ZMIZ1: variants seen among roughly 807,000 people sequenced by gnomAD.
ZMIZ1 encodes the protein zinc finger MIZ-type containing 1, also known as zinc finger MIZ domain-containing protein 1.
In ZMIZ1, 17 loss-of-function variants were observed where a neutral mutation model predicts 113.9. The ratio of observed to expected loss-of-function variants is 0.15; its 90% confidence interval spans 0.10 to 0.22. ZMIZ1 has a LOEUF of 0.22. ZMIZ1 is among the 10% of genes least tolerant of loss of function. The pLI is 1.00. For missense variants in ZMIZ1, 1,059 were observed against 1,477.8 expected, an observed-to-expected ratio of 0.72 and a Z score of 4.65; for synonymous variants, 607 against 603.1, an observed-to-expected ratio of 1.01 and a Z score of -0.09.
chr10:79,308,817 C>A (rs1025869438), intron 23 of ZMIZ1, among the ~76,000 whole-genome samples: 12 of 152,134 alleles, frequency 7.9e-5, no homozygotes, highest in Admixed American at 7.2e-4. Flanking sequence ...ACATCCTGCG[C>A]CCTCACAGTT....
At chr10:79,256,376 C>T (rs1850904799) in intron 7 of ZMIZ1, among the ~76,000 whole-genome samples, 1 of 152,170 alleles carries the variant, frequency 6.6e-6, no homozygotes, top group South Asian at 2.1e-4. Flanking sequence ...TCCCCACTAT[C>T]TCCCAGCCCT....
Position 79,162,511 on chromosome 10 carries a change from G to A in ZMIZ1, c.-50+378G>A, listed in dbSNP as rs368661947. On this transcript the variant is annotated intron_variant, in intron 4 of 24. Transcript: ENST00000334512. ...CTGGGTGAGCAGGAGCATGTCGGCT[G>A]AAATGGGTGCAGGGCTACCCACCCC... 3.5e-4 allele frequency among the ~76,000 whole-genome samples: 53 copies of A among 152,284 alleles called. No homozygotes were observed. In the South Asian group the frequency reaches 7.3e-3, roughly 21 times the overall value.
chr10:79,169,884 C>T lies in ZMIZ1; in HGVS notation c.-50+7751C>T, dbSNP rs548571937. ...GCCCTTGGGGAGATACCTCCCACCC[C>T]TCAAACAGGAGCATCTGCTTGAGGT... On this transcript the variant is annotated intron_variant, in intron 4 of 24. Coordinates refer to ENST00000334512, the MANE Select transcript of ZMIZ1 (RefSeq NM_020338.4). Among the ~76,000 whole-genome samples, 6 of 152,370 alleles carry T rather than the reference C, an allele frequency of 3.9e-5. No individual in the cohort carries two copies. In the South Asian group the frequency reaches 1.2e-3, roughly 32 times the overall value.
chr10:79,171,036 C>T (rs757455777), intron 4 of ZMIZ1, among the ~76,000 whole-genome samples: 21 of 152,204 alleles, frequency 1.4e-4, no homozygotes, highest in Non-Finnish European at 2.5e-4. Context: ...TCAAGAACCC[C>T]CTCCCAGCCC....
chr10:79,257,423 G>A (rs1362074517), intron 7 of ZMIZ1, among the ~76,000 whole-genome samples: 2 of 152,248 alleles, frequency 1.3e-5, no homozygotes, highest in African/African-American at 4.8e-5. Context: ...ACCATCTAGA[G>A]TTGGTGTATC....
At chr10:79,244,900 G>A (rs115170854) in intron 7 of ZMIZ1, among the ~76,000 whole-genome samples, 1 of 152,128 alleles carries the variant, frequency 6.6e-6, no homozygotes, top group Admixed American at 6.6e-5. Flanking sequence ...TCTCCCATCT[G>A]CTATGGAGGA....
At position 79,205,399 on chromosome 10, in the gene ZMIZ1, G is replaced by A. The variant is rs987833383; in HGVS notation, c.61-2937G>A. On this transcript the variant is annotated intron_variant, in intron 5 of 24. Transcript: ENST00000334512. ...CTCACCATCCTTTGGACAGTTAACT[G>A]CTCCCCAATCATTTCCCATGGGGTT... Among the ~76,000 whole-genome samples, 8 of 152,334 alleles carry A rather than the reference G, an allele frequency of 5.3e-5. No homozygotes were observed. In the East Asian group the frequency reaches 1.5e-3, roughly 29 times the overall value.
chr10:79,157,650 C>G (rs540375716), intron 3 of ZMIZ1, among the ~76,000 whole-genome samples: 6 of 152,162 alleles, frequency 3.9e-5, no homozygotes, highest in Non-Finnish European at 7.4e-5. Flanking sequence ...TGCACCCTGG[C>G]CCAGGCTGGG....
chr10:79,258,505 G>A (rs11002895), intron 7 of ZMIZ1, among the ~76,000 whole-genome samples: 7 of 152,112 alleles, frequency 4.6e-5, no homozygotes, highest in Admixed American at 2.6e-4. Context: ...CTCCTGTTTC[G>A]GGCAGCACAA....
At chr10:79,131,194 TC>T (rs561064224) in intron 2 of ZMIZ1, among the ~76,000 whole-genome samples, 211 of 152,298 alleles carry the variant, frequency 1.4e-3, no homozygotes, top group African/African-American at 5.0e-3. Flanking sequence ...CCAAGCAAAG[TC>T]ACCTCCAAGA....
intron 1 of ZMIZ1, among the ~76,000 whole-genome samples, chr10:79,071,204 AG>A (rs1235391866): frequency 6.6e-6 from 1 of 152,160 alleles, no homozygotes; most frequent in Non-Finnish European, 1.5e-5. Context: ...CCTGGTGCCA[AG>A]GGTTTTCTGA....
At chr10:79,251,852 AG>A (rs1282013066) in intron 7 of ZMIZ1, among the ~76,000 whole-genome samples, 1 of 152,190 alleles carries the variant, frequency 6.6e-6, no homozygotes, top group Non-Finnish European at 1.5e-5. Flanking sequence ...CCATTGTCCC[AG>A]GGGGTCAGGG....
chr10:79,153,699 A>C (rs1241625877), intron 3 of ZMIZ1, among the ~76,000 whole-genome samples: 1 of 152,232 alleles, frequency 6.6e-6, no homozygotes, highest in Non-Finnish European at 1.5e-5. Flanking sequence ...CCCATTGGAG[A>C]AACTGAGGCA....
chr10:79,309,171 C>G (rs1272513739), intron 23 of ZMIZ1, among the ~76,000 whole-genome samples: 5 of 152,242 alleles, frequency 3.3e-5, no homozygotes, highest in Non-Finnish European at 5.9e-5. Flanking sequence ...CCAGAGCGCT[C>G]TATCCAGATG....
At chr10:79,115,814 TG>T (rs1368792253) in intron 1 of ZMIZ1, among the ~76,000 whole-genome samples, 1 of 152,168 alleles carries the variant, frequency 6.6e-6, no homozygotes, top group African/African-American at 2.4e-5. Flanking sequence ...TGAGGTTGGA[TG>T]GGGGAGGGCT....
rs188883974 is a variant in ZMIZ1, at chr10:79,266,375, C to T, written c.281-10806C>T. 6.2e-3 allele frequency among the ~76,000 whole-genome samples: 943 copies of T among 152,302 alleles called. 11 individuals carry two copies. The highest frequency in any genetic ancestry group is 0.022 in the African/African-American group (895 of 41,560). ...CCTGTGGAGTGACTGTTTGAATCAC[C>T]CCTTCTTGGGCCTGGATTTCCCTTT... On this transcript the variant is annotated intron_variant, in intron 7 of 24. Transcript: ENST00000334512.
rs558717567 is a variant in ZMIZ1, at chr10:79,314,020, C to T, written c.*1271C>T. The T allele has an allele frequency of 6.5e-4, 297 of 456,282 alleles. 3 individuals carry two copies. Among genetic ancestry groups the T allele is most frequent in the South Asian group, 3.8e-3 (245 of 64,528 alleles). The allele number at this position is 456,282 out of a possible 1,614,324, so 28.3% of individuals were successfully genotyped here. A position where few individuals can be genotyped will look rare whatever the true frequency, so the allele number is the denominator to read the frequency against. On this transcript the variant is annotated 3_prime_UTR_variant, in exon 25 of 25. Transcript: ENST00000334512. ...CCTGCAGGCATGGGGGGGAGGGGGG[C>T]GTGTTTCTGGGCCTGCCCCAGACAC...
At chr10:79,174,027 C>T (rs1382353222) in intron 4 of ZMIZ1, among the ~76,000 whole-genome samples, 3 of 152,202 alleles carry the variant, frequency 2.0e-5, no homozygotes, top group Non-Finnish European at 2.9e-5. Flanking sequence ...GTTCCCTGAC[C>T]TCCCAAGGGC....
chr10:79,089,229 C>A (rs1016638893), intron 1 of ZMIZ1, among the ~76,000 whole-genome samples: 1 of 152,344 alleles, frequency 6.6e-6, no homozygotes. Context: ...CCGTGGTCCA[C>A]GGCCGGAGCC....
Sources: gnomAD v4.1 joint callset for allele counts (sites outside exome capture counted in the v4.1 genomes callset) on GRCh38, gnomAD v4.1.1 for gene constraint, MANE v1.5 for transcripts, NCBI Gene and HGNC (gene_info 2026-07-23, HGNC 2026-07-21) for gene names.